The following AK2 variants were observed in gnomAD, a reference collection of about 807,000 sequenced individuals.
AK2 encodes the protein adenylate kinase 2, mitochondrial.
Under a neutral mutation model 24.6 loss-of-function variants are expected in AK2, and 15 were observed. The observed-to-expected ratio is 0.61, with a 90% CI of 0.41 to 0.94. The LOEUF (loss-of-function observed/expected upper bound fraction) is 0.94, where lower values mean the gene tolerates loss of function less well. Ranked by LOEUF, AK2 falls within the 40% of genes least tolerant of loss-of-function variation. The probability of loss-of-function intolerance (pLI) is 0.00; values close to 1 mark genes in which losing one functional copy is unlikely to be tolerated. For missense variants in AK2, 257 were observed against 304.1 expected, an observed-to-expected ratio of 0.85 and a Z score of 1.15; for synonymous variants, 102 against 114.0, an observed-to-expected ratio of 0.90 and a Z score of 0.67.
In AK2 at chr1:33,010,907, T is replaced by A; in HGVS notation, c.*2274A>T. ...AAGTACATATCAGAGGAGGCTGGCATGTAAGCCCCAGCAACCAAATGCATT... is the reference window on the plus strand; with the variant it reads ...AAGTACATATCAGAGGAGGCTGGCAAGTAAGCCCCAGCAACCAAATGCATT... On this transcript the variant is annotated 3_prime_UTR_variant, in exon 6 of 6. Transcript: ENST00000672715. The A allele has an allele frequency of 6.2e-7, 1 of 1,607,366 alleles. No homozygotes were observed. Among genetic ancestry groups the A allele is most frequent in the Non-Finnish European group, 8.5e-7 (1 of 1,176,832 alleles).
rs112502936 is a variant in AK2, at chr1:33,016,202, T to C, written c.426-1608A>G. ...TCCATATAACCTATGCATATCCTCC[T>C]GTGTACTTTTATTTTTATTTTATTT... is the stretch of plus-strand genomic sequence containing the variant. On this transcript the variant is annotated intron_variant, in intron 4 of 5. Transcript: ENST00000672715. Among the ~76,000 whole-genome samples, 314 of 152,198 alleles carry C rather than the reference T, an allele frequency of 2.1e-3. 5 individuals are homozygous for C. Among genetic ancestry groups the C allele is most frequent in the South Asian group, 0.011 (55 of 4,816 alleles).
At position 33,011,674 on chromosome 1, in the gene AK2, C is replaced by A; in HGVS notation, c.*1507G>T. On this transcript the variant is annotated 3_prime_UTR_variant, in exon 6 of 6. Transcript: ENST00000672715. The stretch of plus-strand genomic sequence containing the variant: ...TTCTAATGGTTTTTCCAGAGGCTGC[C>A]GTTTTTGTGGTCCTTCATAGCAGTC... The A allele has an allele frequency of 7.7e-7, 1 of 1,302,092 alleles. No homozygotes were observed. Among genetic ancestry groups the A allele is most frequent in the Non-Finnish European group, 1.0e-6 (1 of 999,128 alleles). 80.7% of individuals were successfully genotyped at this position (1,302,092 alleles called of 1,614,324 possible). A position where few individuals can be genotyped will look rare whatever the true frequency, so the allele number is the denominator to read the frequency against.
intron 1 of AK2, among the ~76,000 whole-genome samples, chr1:33,034,072 G>T (rs200859837): frequency 6.6e-6 from 1 of 151,894 alleles, no homozygotes; most frequent in Non-Finnish European, 1.5e-5. Context: ...ATGGGGTTTC[G>T]CCATGTTGCC....
At chr1:33,031,038 C>A (rs10753271) in intron 1 of AK2, 1 of 151,678 alleles carries the variant, frequency 6.6e-6, no homozygotes, top group African/African-American at 2.4e-5. Flanking sequence ...ATCACAGAAA[C>A]CTGTGTTTGC....
intron 1 of AK2, among the ~76,000 whole-genome samples, chr1:33,030,070 C>T (rs1640143012): frequency 6.6e-6 from 1 of 152,218 alleles, no homozygotes; most frequent in African/African-American, 2.4e-5. Context: ...CCAAGCCCTC[C>T]CAACTTACTT....
At chr1:33,029,409 CTTTT>C (rs1293934128) in intron 1 of AK2, 3 of 116,062 alleles carry the variant, frequency 2.6e-5, no homozygotes, top group African/African-American at 3.6e-5. Context: ...TGATGTTGAA[CTTTT>C]TTTTTTTTTT....
chr1:33,013,113 T>A lies in AK2; in HGVS notation c.*68A>T. ...TTTGCTAGCCTGAGGAAGCTTCTCT[T>A]TGCCTGTCCTATCATTCCCACCCAT... is the stretch of plus-strand genomic sequence containing the variant. On this transcript the variant is annotated 3_prime_UTR_variant, in exon 6 of 6. Coordinates refer to ENST00000672715, the MANE Select transcript of AK2 (RefSeq NM_001625.4). 3.1e-6 allele frequency: 5 copies of A among 1,613,408 alleles called. No individual in the cohort carries two copies. The highest frequency in any genetic ancestry group is 4.2e-6 in the Non-Finnish European group (5 of 1,180,024).
At chr1:33,026,034 C>T (rs549233744) in intron 1 of AK2, among the ~76,000 whole-genome samples, 6 of 152,308 alleles carry the variant, frequency 3.9e-5, no homozygotes, top group Admixed American at 3.3e-4. Flanking sequence ...CCCTAGACAG[C>T]TCAACACTGG....
chr1:33,008,042 G>T lies in AK2; in HGVS notation c.*5139C>A. 2 of 454,124 alleles carry T rather than the reference G, an allele frequency of 4.4e-6. No individual in the cohort carries two copies. The highest frequency in any genetic ancestry group is 2.3e-5 in the Admixed American group (1 of 42,570). 28.1% of individuals were successfully genotyped at this position (454,124 alleles called of 1,614,324 possible). A position where few individuals can be genotyped will look rare whatever the true frequency, so the allele number is the denominator to read the frequency against. On this transcript the variant is annotated 3_prime_UTR_variant, in exon 6 of 6. Transcript: ENST00000672715. ...ATTATTAATTATGAAAACACATAAA[G>T]AATTCTGCATATAATTTCAGAGGTC... is the stretch of plus-strand genomic sequence containing the variant.
chr1:33,010,238 C>T lies in AK2; in HGVS notation c.*2943G>A, dbSNP rs766908806. The T allele has an allele frequency of 3.1e-5, 14 of 454,410 alleles. No individual in the cohort carries two copies. The highest frequency in any genetic ancestry group is 5.7e-5 in the Non-Finnish European group (13 of 227,028). The allele number at this position is 454,410 out of a possible 1,614,324, so 28.1% of individuals were successfully genotyped here. On this transcript the variant is annotated 3_prime_UTR_variant, in exon 6 of 6. Transcript: ENST00000672715. The stretch of plus-strand genomic sequence containing the variant: ...TGGTAAGTCAGGGGAAGGGAATCAG[C>T]CTCCCTTTCCATTTCATTCCCTTCC...
intron 1 of AK2, among the ~76,000 whole-genome samples, chr1:33,026,416 A>G (rs1362592121): frequency 6.6e-6 from 1 of 152,222 alleles, no homozygotes; most frequent in Non-Finnish European, 1.5e-5. Context: ...GCACACAATA[A>G]AAGGTACATA....
At chr1:33,031,975 T>C in intron 1 of AK2, 1 of 223,760 alleles carries the variant, frequency 4.5e-6, no homozygotes, top group South Asian at 5.4e-5. Context: ...CGAGTAGTTT[T>C]GAAATATTTA....
Position 33,009,258 on chromosome 1 carries a change from C to T in AK2, c.*3923G>A, listed in dbSNP as rs1181175654. The T allele has an allele frequency of 8.8e-6, 4 of 454,000 alleles. No individual in the cohort carries two copies. Among genetic ancestry groups the T allele is most frequent in the South Asian group, 6.2e-5 (4 of 64,466 alleles). The allele number at this position is 454,000 out of a possible 1,614,324, so 28.1% of individuals were successfully genotyped here. A position where few individuals can be genotyped will look rare whatever the true frequency, so the allele number is the denominator to read the frequency against. On this transcript the variant is annotated 3_prime_UTR_variant, in exon 6 of 6. Coordinates refer to ENST00000672715, the MANE Select transcript of AK2 (RefSeq NM_001625.4). ...CAGAAACCTCACTTGCAAAGGCAGC[C>T]CTTCCAAAAACATGAGAGCTTTAGT...
At chr1:33,032,960 G>C (rs1388810335) in intron 1 of AK2, among the ~76,000 whole-genome samples, 1 of 151,972 alleles carries the variant, frequency 6.6e-6, no homozygotes. Context: ...TCAGGAGATC[G>C]AGACCATCCT....
At chr1:33,028,460 C>T (rs530941131) in intron 1 of AK2, among the ~76,000 whole-genome samples, 1 of 151,402 alleles carries the variant, frequency 6.6e-6, no homozygotes, top group African/African-American at 2.4e-5. Flanking sequence ...GAGATCGTGC[C>T]GCTACACTCC....
chr1:33,014,745 C>T, intron 4 of AK2, 151 bp from the exon 5 acceptor site: 2 of 697,862 alleles, frequency 2.9e-6, no homozygotes, highest in Non-Finnish European at 5.3e-6. Context: ...AACTGGGCTT[C>T]CAGGAGAGCT....
chr1:33,029,857 G>A (rs977438186), intron 1 of AK2, among the ~76,000 whole-genome samples: 2 of 152,178 alleles, frequency 1.3e-5, no homozygotes, highest in African/African-American at 4.8e-5. Flanking sequence ...TTACCTTTGT[G>A]CCTCCAGTCT....
At chr1:33,020,034 A>T (rs960302363) in intron 4 of AK2, 10 of 1,528,996 alleles carry the variant, frequency 6.5e-6, no homozygotes, top group Non-Finnish European at 4.4e-6. Flanking sequence ...AGCTTCTGTC[A>T]TACTTCTGGA....
At position 33,010,722 on chromosome 1, in the gene AK2, C is replaced by T. The variant is rs1638766731; in HGVS notation, c.*2459G>A. 3.7e-6 allele frequency: 6 copies of T among 1,613,262 alleles called. No homozygotes were observed. Among genetic ancestry groups the T allele is most frequent in the Non-Finnish European group, 3.4e-6 (4 of 1,179,636 alleles). On this transcript the variant is annotated 3_prime_UTR_variant, in exon 6 of 6. Transcript: ENST00000672715. ...CCTCTGAGCCCCTCACCAGCCCTCC[C>T]TCACCATCCTCACCCTGACCACCCT...
Sources: allele counts gnomAD v4.1 joint callset (sites outside exome capture counted in the v4.1 genomes callset), GRCh38; gene constraint gnomAD v4.1.1; transcripts MANE v1.5; gene names NCBI Gene and HGNC (gene_info 2026-07-23, HGNC 2026-07-21).